SNED1: variants seen among roughly 807,000 people sequenced by gnomAD.
SNED1 encodes the protein sushi, nidogen and EGF-like domain-containing protein 1.
Under a neutral mutation model 166.7 loss-of-function variants are expected in SNED1, and 81 were observed. That is an observed-to-expected ratio of 0.49 (90% confidence interval 0.41 to 0.58). The LOEUF is 0.58. Ranked by LOEUF, SNED1 falls within the 20% of genes least tolerant of loss-of-function variation. The pLI, the probability that SNED1 is intolerant of heterozygous loss-of-function variation, is 0.00. For missense variants in SNED1, 1,604 were observed against 2,000.2 expected (o/e 0.80, Z 3.78); for synonymous variants, 762 against 822.0 (o/e 0.93, Z 1.25).
intron 1 of SNED1, among the ~76,000 whole-genome samples, chr2:241,004,606 A>C (rs533524569): frequency 6.6e-6 from 1 of 152,354 alleles, no homozygotes; most frequent in Admixed American, 6.5e-5. Flanking sequence ...TACTCTTTCA[A>C]GTATGATATA....
Position 241,073,163 on chromosome 2 carries a change from C to CGGAT in SNED1, c.3818-103_3818-102insGGAT, listed in dbSNP as rs1437168762. On this transcript the variant is annotated intron_variant, in intron 26 of 31. Transcript: ENST00000310397. This position sits in a 1 kb window ranked among gnomAD's most constrained non-coding sequence, Gnocchi z 6.6. ...CAGGGAGCCTGGTCCCCACCAGGGACATCCGTGCTCCCTGAGATATAGAAG... is the reference window on the plus strand; with the variant it reads ...CAGGGAGCCTGGTCCCCACCAGGGACGGATATCCGTGCTCCCTGAGATATAGAAG... 3.7e-6 allele frequency: 3 copies of CGGAT among 800,116 alleles called. No individual in the cohort carries two copies. Among genetic ancestry groups the CGGAT allele is most frequent in the Non-Finnish European group, 6.0e-6 (3 of 497,778 alleles). 49.6% of individuals were successfully genotyped at this position (800,116 alleles called of 1,614,324 possible). A position where few individuals can be genotyped will look rare whatever the true frequency, so the allele number is the denominator to read the frequency against.
At chr2:241,016,723 G>A (rs1390380376) in intron 1 of SNED1, among the ~76,000 whole-genome samples, 1 of 152,066 alleles carries the variant, frequency 6.6e-6, no homozygotes, top group African/African-American at 2.4e-5. Context: ...TAACTCACTG[G>A]TGATGCTATA....
At chr2:241,059,636 GTCAA>G (rs1276005841) in intron 16 of SNED1, among the ~76,000 whole-genome samples, 6 of 152,112 alleles carry the variant, frequency 3.9e-5, no homozygotes, top group African/African-American at 1.2e-4. Context: ...AACTTTTAAT[GTCAA>G]TCAATGTACT....
chr2:241,038,009 C>G (rs1356648202), intron 6 of SNED1, among the ~76,000 whole-genome samples: 1 of 152,122 alleles, frequency 6.6e-6, no homozygotes, highest in Admixed American at 6.5e-5. Context: ...ACTGCCCTTC[C>G]CCCGGCACCT....
chr2:241,000,869 G>A (rs10182621), intron 1 of SNED1, among the ~76,000 whole-genome samples: 6,392 of 152,306 alleles, frequency 0.042, 451 homozygotes, highest in African/African-American at 0.15. Flanking sequence ...TCAGCAGGAG[G>A]CTTGAGGCTG....
At chr2:241,076,331 A>G (rs1484647292) in intron 27 of SNED1, among the ~76,000 whole-genome samples, 1 of 152,210 alleles carries the variant, frequency 6.6e-6, no homozygotes, top group South Asian at 2.1e-4. Flanking sequence ...GTAAAGTTTT[A>G]TATGGAATTC....
intron 1 of SNED1, among the ~76,000 whole-genome samples, chr2:241,026,295 C>T (rs13412932): frequency 2.0e-5 from 3 of 152,128 alleles, no homozygotes; most frequent in African/African-American, 7.2e-5. Flanking sequence ...GGATTATAGG[C>T]GTGAGCCACT....
chr2:241,034,476 C>T, intron 3 of SNED1, 92 bp from the exon 4 acceptor site: 1 of 1,263,454 alleles, frequency 7.9e-7, no homozygotes, highest in Non-Finnish European at 1.1e-6. Context: ...AGGTTGCCGA[C>T]CCTGGCAGGA....
chr2:241,066,639 T>G, intron 21 of SNED1, among the ~76,000 whole-genome samples: 1 of 97,458 alleles, frequency 1.0e-5, no homozygotes, highest in Non-Finnish European at 2.6e-5. Flanking sequence ...GATGGATGGG[T>G]GGGTGGGTGG....
At chr2:241,049,992 G>A (rs758061681) in intron 12 of SNED1, 59 bp downstream of exon 12, 5 of 1,246,342 alleles carry the variant, frequency 4.0e-6, no homozygotes, top group South Asian at 3.6e-5. Flanking sequence ...CCCGCGGTCC[G>A]CCGTCCTGCT....
In SNED1 at chr2:241,064,767, C is replaced by G; in HGVS notation, c.2600-77C>G. The G allele has an allele frequency of 9.5e-7, 1 of 1,056,180 alleles. No individual in the cohort carries two copies. Among genetic ancestry groups the G allele is most frequent in the African/African-American group, 1.7e-5 (1 of 59,448 alleles). 65.4% of individuals were successfully genotyped at this position (1,056,180 alleles called of 1,614,324 possible). On this transcript the variant is annotated intron_variant, in intron 19 of 31. Coordinates refer to ENST00000310397, the MANE Select transcript of SNED1 (RefSeq NM_001080437.3). The surrounding 1 kb of genome is among the most constrained non-coding windows in gnomAD (Gnocchi z 7.0). ...CACCCACGCAGGAGGGACCCAGTGC[C>G]CCAGGAGCAAGGGCGGGGCTGGAGC...
chr2:241,065,451 G>C lies in SNED1; in HGVS notation c.2866G>C (p.Asp956His). ...CTCCGACGGCTCCTACCGCCGCACA[G>C]ACTTTGTGGACAGGACCCGCTCCTC... ...VSSDGSYRRT[D>H]FVDRTRSSHQ... The change falls in exon 21 of 32, where the codon GAC becomes CAC. Residue 956 changes from aspartate to histidine, a missense_variant. Coordinates refer to ENST00000310397, the MANE Select transcript of SNED1 (RefSeq NM_001080437.3). 6.2e-7 allele frequency: 1 copy of C among 1,613,056 alleles called. No homozygotes were observed. Among genetic ancestry groups the C allele is most frequent in the Non-Finnish European group, 8.5e-7 (1 of 1,179,850 alleles).
At position 241,048,453 on chromosome 2, in the gene SNED1, T is replaced by C; in HGVS notation, c.1399+13T>C. 6.3e-7 allele frequency: 1 copy of C among 1,584,646 alleles called. No individual in the cohort carries two copies. On this transcript the variant is annotated intron_variant, in intron 9 of 31. Transcript: ENST00000310397. The stretch of plus-strand genomic sequence containing the variant: ...GACTGCAGGGAGAGTGCGTCTGGGC[T>C]GCAAGGGCTGCCGTTTTAGGGCTGG...
rs2061124953 is a variant in SNED1 at position 241,030,225 on chromosome 2, GGCCCACCC to G, written c.214-55_214-48del. ...GTGGCAGGGGCTGGGGAGGCTGCTG[GGCCCACCC>G]GCCTGCCCACAGCCCCCAGTCAATC... On this transcript the variant is annotated intron_variant, in intron 1 of 31. Transcript: ENST00000310397. 3 of 1,465,206 alleles carry G rather than the reference GGCCCACCC, an allele frequency of 2.0e-6. No homozygotes were observed. The African/African-American group carries it at 4.2e-5, about 21-fold the overall frequency. The allele number at this position is 1,465,206 out of a possible 1,614,324, so 90.8% of individuals were successfully genotyped here. A position where few individuals can be genotyped will look rare whatever the true frequency, so the allele number is the denominator to read the frequency against.
At chr2:241,048,565 T>C (rs1237869541) in intron 9 of SNED1, 97 bp from the exon 10 acceptor site, 1 of 1,498,550 alleles carries the variant, frequency 6.7e-7, no homozygotes, top group African/African-American at 1.4e-5. Context: ...CACTGCAATT[T>C]GTATGGGAAG....
chr2:241,027,627 C>G (rs187905774), intron 1 of SNED1, among the ~76,000 whole-genome samples: 2 of 152,062 alleles, frequency 1.3e-5, no homozygotes, highest in Non-Finnish European at 2.9e-5. Context: ...TTTTGAGGAA[C>G]CACCATATTG....
At chr2:241,024,849 T>C (rs907733919) in intron 1 of SNED1, among the ~76,000 whole-genome samples, 3 of 151,748 alleles carry the variant, frequency 2.0e-5, no homozygotes, top group African/African-American at 7.3e-5. Context: ...TTTTTTTGTA[T>C]TTTTAGTAGA....
chr2:241,057,380 A>AAAAAAAAAATATATATATAT (rs377141068), intron 16 of SNED1, among the ~76,000 whole-genome samples: 7 of 118,132 alleles, frequency 5.9e-5, no homozygotes, highest in African/African-American at 2.7e-4. Context: ...TCCATCTCAA[A>AAAAAAAAAATATATATATAT]ATATATATAT....
intron 1 of SNED1, among the ~76,000 whole-genome samples, chr2:241,022,416 A>AG (rs2124920960): frequency 6.6e-6 from 1 of 152,310 alleles, no homozygotes; most frequent in Admixed American, 6.5e-5. Flanking sequence ...GGTGTGAGGT[A>AG]GGGGTCTAGC....
Sources: allele counts gnomAD v4.1 joint callset (sites outside exome capture counted in the v4.1 genomes callset), GRCh38; gene constraint gnomAD v4.1.1; non-coding constraint Gnocchi (gnomAD v3.1); transcripts MANE v1.5; gene names NCBI Gene and HGNC (gene_info 2026-07-23, HGNC 2026-07-21).